NBAS: variants seen among roughly 807,000 people sequenced by gnomAD.
The protein encoded by NBAS is NAG/BC035112 fusion.
NBAS carries 219 observed loss-of-function variants against 302.5 expected under a neutral mutation model. That is an observed-to-expected ratio of 0.72 (90% CI 0.65 to 0.81). The LOEUF (loss-of-function observed/expected upper bound fraction) is 0.81. Among genes scored for constraint, NBAS ranks in the 30% least tolerant of loss-of-function variants. The pLI is 0.00. For synonymous variants in NBAS, 1,118 were observed against 1,021.6 expected, an observed-to-expected ratio of 1.09 and a Z score of -1.80; for missense variants, 2,932 against 2,841.6, an observed-to-expected ratio of 1.03 and a Z score of -0.72.
chr2:15,554,724 A>G (rs567036133), intron 3 of NBAS, among the ~76,000 whole-genome samples: 1 of 151,316 alleles, frequency 6.6e-6, no homozygotes, highest in South Asian at 2.1e-4. Flanking sequence ...TGAAAGAACT[A>G]GAAACACCTC....
At chr2:15,011,340 C>T in the NBAS span, among the ~76,000 whole-genome samples, 2 of 151,946 alleles carry the variant, frequency 1.3e-5, no homozygotes, top group Non-Finnish European at 2.9e-5. Flanking sequence ...TATAAAAGAA[C>T]TTCTATGGAT....
intron 28 of NBAS, among the ~76,000 whole-genome samples, chr2:15,388,531 A>G (rs970074543): frequency 1.2e-4 from 18 of 149,564 alleles, no homozygotes; most frequent in African/African-American, 4.2e-4. Flanking sequence ...CACATTGCTG[A>G]CAGAAATATA....
chr2:15,134,997 A>C, the NBAS span, among the ~76,000 whole-genome samples: 1 of 152,188 alleles, frequency 6.6e-6, no homozygotes, highest in African/African-American at 2.4e-5. Flanking sequence ...TAATTAGGGG[A>C]GATAAAATAG....
intron 38 of NBAS, among the ~76,000 whole-genome samples, chr2:15,318,744 A>G (rs1671640961): frequency 6.6e-6 from 1 of 152,230 alleles, no homozygotes. Context: ...ACCCAGATTC[A>G]TAAAGCAAGT....
At chr2:15,191,482 C>T (rs368369510) in intron 48 of NBAS, among the ~76,000 whole-genome samples, 4 of 152,302 alleles carry the variant, frequency 2.6e-5, no homozygotes, top group Admixed American at 6.5e-5. Context: ...AAGCCCATGT[C>T]GTTCTTCTAT....
At chr2:15,460,892 CAACT>C (rs1321330802) in intron 21 of NBAS, among the ~76,000 whole-genome samples, 2 of 152,108 alleles carry the variant, frequency 1.3e-5, no homozygotes, top group Non-Finnish European at 2.9e-5. Flanking sequence ...CTAAAAGATA[CAACT>C]AACTCAGACA....
chr2:14,819,601 G>A, the NBAS span, among the ~76,000 whole-genome samples: 367 of 152,270 alleles, frequency 2.4e-3, no homozygotes, highest in African/African-American at 8.1e-3. Context: ...GATCCCAATA[G>A]GACTAAGTCA....
chr2:15,236,172 G>T (rs1667582414), intron 45 of NBAS, among the ~76,000 whole-genome samples: 1 of 152,072 alleles, frequency 6.6e-6, no homozygotes, highest in Non-Finnish European at 1.5e-5. Flanking sequence ...CTCACAAGTA[G>T]CTATATGGTA....
chr2:14,978,644 A>T, the NBAS span, among the ~76,000 whole-genome samples: 1 of 152,190 alleles, frequency 6.6e-6, no homozygotes, highest in Non-Finnish European at 1.5e-5. Context: ...AATCAGAAAA[A>T]TCCTTACAGA....
At chr2:15,156,036 C>T in the NBAS span, among the ~76,000 whole-genome samples, 16 of 152,164 alleles carry the variant, frequency 1.1e-4, no homozygotes, top group African/African-American at 2.9e-4. Context: ...GGGTTTCATT[C>T]GGAATCTCAC....
chr2:15,047,874 G>C, the NBAS span, among the ~76,000 whole-genome samples: 1 of 152,340 alleles, frequency 6.6e-6, no homozygotes, highest in African/African-American at 2.4e-5. Context: ...CTCTGCCTTG[G>C]GTTCCTCAAC....
chr2:15,106,319 G>A, the NBAS span, among the ~76,000 whole-genome samples: 1 of 152,080 alleles, frequency 6.6e-6, no homozygotes, highest in Non-Finnish European at 1.5e-5. Flanking sequence ...CCTGCTCTGG[G>A]AACCCACAAC....
At chr2:15,348,104 G>A (rs1040163528) in intron 35 of NBAS, among the ~76,000 whole-genome samples, 6 of 152,138 alleles carry the variant, frequency 3.9e-5, no homozygotes, top group Non-Finnish European at 8.8e-5. Context: ...GTAACACACG[G>A]CATCTTATAG....
chr2:15,075,275 C>T, the NBAS span, among the ~76,000 whole-genome samples: 1 of 152,318 alleles, frequency 6.6e-6, no homozygotes, highest in Non-Finnish European at 1.5e-5. Flanking sequence ...GAGATCAACA[C>T]ATGTGCTGCA....
At chr2:14,973,333 A>C in the NBAS span, among the ~76,000 whole-genome samples, 1 of 152,214 alleles carries the variant, frequency 6.6e-6, no homozygotes, top group African/African-American at 2.4e-5. Flanking sequence ...ACTGCTTTTG[A>C]ATTATGGTTT....
At chr2:15,166,536 T>C (rs906412092), downstream of NBAS, among the ~76,000 whole-genome samples, 1 of 152,130 alleles carries the variant, frequency 6.6e-6, no homozygotes, top group Non-Finnish European at 1.5e-5. Context: ...ATAATACTTA[T>C]CAACTTTACG....
the NBAS span, among the ~76,000 whole-genome samples, chr2:14,930,343 G>A: frequency 6.6e-6 from 1 of 152,188 alleles, no homozygotes; most frequent in Non-Finnish European, 1.5e-5. Flanking sequence ...GCATTTTAGA[G>A]TTAGCCTGTG....
At chr2:15,009,997 A>T in the NBAS span, among the ~76,000 whole-genome samples, 2 of 152,090 alleles carry the variant, frequency 1.3e-5, no homozygotes, top group Non-Finnish European at 2.9e-5. Context: ...CTCATGGGAG[A>T]AGAGGGGAAA....
chr2:15,455,312 A>T (rs1180669268), intron 21 of NBAS, among the ~76,000 whole-genome samples: 1 of 152,202 alleles, frequency 6.6e-6, no homozygotes, highest in African/African-American at 2.4e-5. Context: ...TCACTAAATA[A>T]TTCTGTATAA....
Sources: allele counts gnomAD v4.1 joint callset (sites outside exome capture counted in the v4.1 genomes callset), GRCh38; gene constraint gnomAD v4.1.1; transcripts MANE v1.5; gene names NCBI Gene and HGNC (gene_info 2026-07-23, HGNC 2026-07-21).